DNAI4: variants seen among roughly 807,000 people sequenced by gnomAD.
The protein encoded by DNAI4 is dynein axonemal intermediate chain 4, also known as WD repeat domain 78.
In DNAI4, 85 loss-of-function variants were observed where a neutral mutation model predicts 105.8. The observed-to-expected ratio is 0.80, with a 90% CI of 0.67 to 0.96. DNAI4 has a LOEUF of 0.96. Among genes scored for constraint, DNAI4 ranks in the 40% least tolerant of loss-of-function variants. DNAI4 has a pLI of 0.00. For missense variants in DNAI4, 1,014 were observed against 1,005.6 expected (o/e 1.01, Z -0.11); for synonymous variants, 352 against 331.5 (o/e 1.06, Z -0.67).
chr1:66,838,079 A>G lies in DNAI4; in HGVS notation c.1495-283T>C, dbSNP rs2100459264. 1.3e-5 allele frequency among the ~76,000 whole-genome samples: 2 copies of G among 152,286 alleles called. 1 individual carries two copies. The highest frequency in any genetic ancestry group is 1.3e-4 in the Admixed American group (2 of 15,288). On this transcript the variant is annotated intron_variant, in intron 9 of 16. Coordinates refer to ENST00000371026, the MANE Select transcript of DNAI4 (RefSeq NM_024763.5). ...TTACATATTGAGGTAGTCTTCTGAG[A>G]TTGTATTAATAGGTTATAATATATT...
chr1:66,858,552 G>GAAAAAAAAAAAAAAAAAAAC (rs1646554782), intron 7 of DNAI4, among the ~76,000 whole-genome samples: 1 of 108,526 alleles, frequency 9.2e-6, no homozygotes, highest in Non-Finnish European at 1.9e-5. Flanking sequence ...AAAAAAAAAT[G>GAAAAAAAAAAAAAAAAAAAC]CAAAAATCCT....
intron 13 of DNAI4, chr1:66,828,187 G>C: frequency 5.3e-6 from 1 of 189,598 alleles, no homozygotes; most frequent in Non-Finnish European, 1.1e-5. Flanking sequence ...AAAAACACTG[G>C]CTTAAAATAA....
Position 66,878,713 on chromosome 1 carries a change from G to A in DNAI4, c.644-3776C>T, listed in dbSNP as rs188104418. On this transcript the variant is annotated intron_variant, in intron 4 of 16. Coordinates refer to ENST00000371026, the MANE Select transcript of DNAI4 (RefSeq NM_024763.5). ...ATTCTAGCTTCCCTTCTTGCTTTCT[G>A]TAATCTCCCACTCCAACAATGGTGA... 1.4e-4 allele frequency among the ~76,000 whole-genome samples: 22 copies of A among 152,100 alleles called. No individual in the cohort carries two copies. In the East Asian group the frequency reaches 4.3e-3, roughly 29 times the overall value.
In DNAI4 at chr1:66,813,614, C is replaced by A. The variant is rs1645456668; in HGVS notation, c.*516G>T. ...GCTTGCCAAATAGTCTAACAAAGTTCTATAGCTTCGGCTCTTAGATCTAAG... is the reference window on the plus strand; with the variant it reads ...GCTTGCCAAATAGTCTAACAAAGTTATATAGCTTCGGCTCTTAGATCTAAG... On this transcript the variant is annotated 3_prime_UTR_variant, in exon 17 of 17. Transcript: ENST00000371026. The A allele has an allele frequency of 6.6e-6, 1 of 152,314 alleles. No homozygotes were observed. Among genetic ancestry groups the A allele is most frequent in the African/African-American group, 2.4e-5 (1 of 41,426 alleles). 9.4% of individuals were successfully genotyped at this position (152,314 alleles called of 1,614,324 possible).
rs528061914 is a variant in DNAI4 at position 66,820,320 on chromosome 1, A to C, written c.2496+2041T>G. ...ACTAAAATTTATCCATGACTCCACC[A>C]CTAATAACTAATAATTGTAATACAA... On this transcript the variant is annotated intron_variant, in intron 16 of 16. Coordinates refer to ENST00000371026, the MANE Select transcript of DNAI4 (RefSeq NM_024763.5). Among the ~76,000 whole-genome samples, 45 of 152,284 alleles carry C rather than the reference A, an allele frequency of 3.0e-4. 1 individual carries two copies. In the South Asian group the frequency reaches 9.1e-3, roughly 31 times the overall value.
chr1:66,835,503 T>A (rs544653146), intron 11 of DNAI4, 123 bp downstream of exon 11: 1 of 1,023,706 alleles, frequency 9.8e-7, no homozygotes, highest in East Asian at 2.5e-5. Flanking sequence ...TTATGAAATG[T>A]TTCAAAAATA....
At chr1:66,835,529 G>A in intron 11 of DNAI4, 97 bp downstream of exon 11, 2 of 1,304,044 alleles carry the variant, frequency 1.5e-6, no homozygotes, top group Non-Finnish European at 2.1e-6. Flanking sequence ...ATCACTCTCA[G>A]TAACAACAAA....
intron 5 of DNAI4, 137 bp downstream of exon 5, chr1:66,874,644 G>C: frequency 3.2e-6 from 2 of 617,016 alleles, no homozygotes; most frequent in South Asian, 8.9e-5. Flanking sequence ...TAATTTTGTA[G>C]GGAATATACA....
intron 4 of DNAI4, among the ~76,000 whole-genome samples, chr1:66,886,384 A>C (rs1305696540): frequency 6.6e-6 from 1 of 151,956 alleles, no homozygotes; most frequent in Non-Finnish European, 1.5e-5. Flanking sequence ...GCCCTTTAGC[A>C]CTCCTAATGA....
chr1:66,875,015 A>G, intron 4 of DNAI4, 78 bp from the exon 5 acceptor site: 1 of 1,264,300 alleles, frequency 7.9e-7, no homozygotes. Flanking sequence ...TCACCAATAT[A>G]CCATAATGGG....
chr1:66,896,701 C>A (rs138994426), intron 2 of DNAI4, among the ~76,000 whole-genome samples: 1 of 152,124 alleles, frequency 6.6e-6, no homozygotes, highest in East Asian at 1.9e-4. Context: ...CCTCACCATG[C>A]GACACCCTGC....
intron 4 of DNAI4, among the ~76,000 whole-genome samples, chr1:66,886,936 C>T (rs763298448): frequency 6.6e-6 from 1 of 151,836 alleles, no homozygotes; most frequent in Non-Finnish European, 1.5e-5. Context: ...GGCAAATTTC[C>T]CCCACCCCCC....
intron 8 of DNAI4, among the ~76,000 whole-genome samples, chr1:66,840,951 A>G (rs1346087685): frequency 1.3e-5 from 2 of 152,208 alleles, no homozygotes; most frequent in Non-Finnish European, 2.9e-5. Context: ...TCTAAAATGT[A>G]AAGAGACTCA....
intron 6 of DNAI4, among the ~76,000 whole-genome samples, chr1:66,869,265 A>G (rs269399): frequency 0.16 from 23,901 of 151,724 alleles, 2,151 homozygotes; most frequent in African/African-American, 0.25. Context: ...GGTATTTTTG[A>G]TAAAATTTTC....
chr1:66,869,885 TTA>T (rs1266115146), intron 6 of DNAI4, among the ~76,000 whole-genome samples: 1 of 152,108 alleles, frequency 6.6e-6, no homozygotes, highest in African/African-American at 2.4e-5. Context: ...CCATGTATGG[TTA>T]TTTACCAATC....
chr1:66,873,004 C>T (rs922512679), intron 5 of DNAI4, among the ~76,000 whole-genome samples: 1 of 152,166 alleles, frequency 6.6e-6, no homozygotes, highest in Admixed American at 6.5e-5. Flanking sequence ...TGAGCTACCA[C>T]ACCCGGCCTG....
chr1:66,901,484 A>G (rs1209409346), intron 2 of DNAI4, among the ~76,000 whole-genome samples: 1 of 152,152 alleles, frequency 6.6e-6, no homozygotes, highest in East Asian at 1.9e-4. Context: ...CCATCACAAT[A>G]GTACATTATT....
At chr1:66,844,084 C>CAAAAAAAAAA (rs55925419) in intron 8 of DNAI4, among the ~76,000 whole-genome samples, 4 of 66,348 alleles carry the variant, frequency 6.0e-5, no homozygotes, top group East Asian at 4.8e-4. Context: ...ACTGGAGATT[C>CAAAAAAAAAA]AAAAAAAAAA....
intron 7 of DNAI4, among the ~76,000 whole-genome samples, chr1:66,855,484 A>G (rs1646481854): frequency 6.6e-6 from 1 of 152,252 alleles, no homozygotes; most frequent in African/African-American, 2.4e-5. Context: ...CTTTCAATAT[A>G]AAGATACAAA....
Sources: gnomAD v4.1 joint callset for allele counts (sites outside exome capture counted in the v4.1 genomes callset) on GRCh38, gnomAD v4.1.1 for gene constraint, MANE v1.5 for transcripts, NCBI Gene and HGNC (gene_info 2026-07-23, HGNC 2026-07-21) for gene names.